Variants in CDK6 observed in about 807,000 individuals in gnomAD.
The protein encoded by CDK6 is cyclin-dependent kinase 6.
CDK6 carries 6 observed loss-of-function variants against 37.1 expected under a neutral mutation model. The ratio of observed to expected loss-of-function variants is 0.16; its 90% CI spans 0.09 to 0.32. The LOEUF (loss-of-function observed/expected upper bound fraction) is 0.32. CDK6 is among the 10% of genes least tolerant of loss of function. The pLI is 1.00. For missense variants in CDK6, 224 were observed against 418.9 expected (o/e 0.53, Z 4.06); for synonymous variants, 160 against 161.3 (o/e 0.99, Z 0.06).
chr7:92,632,181 A>G lies in CDK6; in HGVS notation c.648-9095T>C, dbSNP rs1219196714. ...ACACCTTTCTCTTGCAAAAACTCTA[A>G]TATTGACATCAGCCGGATGTCAGCA... On this transcript the variant is annotated intron_variant, in intron 5 of 7. Transcript: ENST00000424848. 2.0e-5 allele frequency among the ~76,000 whole-genome samples: 3 copies of G among 152,232 alleles called. No homozygotes were observed. The East Asian group carries it at 5.8e-4, about 29-fold the overall frequency.
rs1214168895 is a variant in CDK6 at position 92,615,069 on chromosome 7, C to T, written c.*71G>A. 6.5e-7 allele frequency: 1 copy of T among 1,528,986 alleles called. No homozygotes were observed. 94.7% of individuals were successfully genotyped at this position (1,528,986 alleles called of 1,614,324 possible). The stretch of plus-strand genomic sequence containing the variant: ...AGCAATCCTCCACAGCTCTGTAGGG[C>T]TTGCTGAGGGGGACCCATAAGCCAC... On this transcript the variant is annotated 3_prime_UTR_variant, in exon 8 of 8. Coordinates refer to ENST00000424848, the MANE Select transcript of CDK6 (RefSeq NM_001145306.2).
In CDK6 at chr7:92,646,307, C is replaced by A. The variant is rs954710776; in HGVS notation, c.648-23221G>T. 5.3e-5 allele frequency among the ~76,000 whole-genome samples: 8 copies of A among 152,182 alleles called. 1 individual carries two copies. The highest frequency in any genetic ancestry group is 1.9e-4 in the African/African-American group (8 of 41,440). On this transcript the variant is annotated intron_variant, in intron 5 of 7. Transcript: ENST00000424848. ...TTTTATTTGCTCATGTAAGTTATAA[C>A]CTCCTTCAGGCTCAGTCTTCAGGTT... is the stretch of plus-strand genomic sequence containing the variant.
intron 5 of CDK6, among the ~76,000 whole-genome samples, chr7:92,646,352 C>T (rs1174451126): frequency 1.3e-5 from 2 of 151,992 alleles, no homozygotes; most frequent in African/African-American, 4.8e-5. Flanking sequence ...TTCCACAGTG[C>T]CCAGAATGAT....
intron 2 of CDK6, among the ~76,000 whole-genome samples, chr7:92,775,079 G>GCGCTTGGAGCACAAGAA (rs1799815998): frequency 6.6e-6 from 1 of 152,170 alleles, no homozygotes; most frequent in Non-Finnish European, 1.5e-5. Flanking sequence ...AGAAAGCAAC[G>GCGCTTGGAGCACAAGAA]CGCTTGGAGC....
At chr7:92,749,182 G>C (rs1799129482) in intron 3 of CDK6, among the ~76,000 whole-genome samples, 1 of 145,408 alleles carries the variant, frequency 6.9e-6, no homozygotes, top group Admixed American at 7.0e-5. Context: ...CTGGGTAACA[G>C]AGGGAGACTC....
intron 2 of CDK6, among the ~76,000 whole-genome samples, chr7:92,796,458 A>G (rs1276647024): frequency 6.6e-6 from 1 of 152,102 alleles, no homozygotes; most frequent in Admixed American, 6.6e-5. Flanking sequence ...ATAATATTTT[A>G]TAAGTTGCTA....
At chr7:92,706,522 G>A (rs1342466595) in intron 4 of CDK6, among the ~76,000 whole-genome samples, 4 of 152,184 alleles carry the variant, frequency 2.6e-5, no homozygotes, top group South Asian at 2.1e-4. Context: ...AATGTCCTTC[G>A]TGAAAAACAA....
At chr7:92,619,579 G>A (rs1023368796) in intron 6 of CDK6, among the ~76,000 whole-genome samples, 1 of 151,624 alleles carries the variant, frequency 6.6e-6, no homozygotes, top group Non-Finnish European at 1.5e-5. Context: ...TCTTATGAAT[G>A]TACTTCCAGA....
intron 4 of CDK6, among the ~76,000 whole-genome samples, chr7:92,684,957 C>G (rs572549898): frequency 5.3e-5 from 8 of 152,014 alleles, no homozygotes; most frequent in Admixed American, 1.3e-4. Context: ...CATCTGATTT[C>G]AAAGTTGCTA....
chr7:92,793,640 T>G (rs1800334905), intron 2 of CDK6, among the ~76,000 whole-genome samples: 1 of 152,052 alleles, frequency 6.6e-6, no homozygotes, highest in South Asian at 2.1e-4. Context: ...GCTAAAACTA[T>G]AAAACTCTTA....
intron 5 of CDK6, among the ~76,000 whole-genome samples, chr7:92,650,829 G>C (rs946120982): frequency 1.3e-5 from 2 of 152,072 alleles, no homozygotes; most frequent in African/African-American, 4.8e-5. Flanking sequence ...AAGCATGTTT[G>C]ATCCTTCTCA....
In CDK6 at chr7:92,684,858, T is replaced by TA. The variant is rs1384729633; in HGVS notation, c.538-13324dup. 3.9e-5 allele frequency among the ~76,000 whole-genome samples: 6 copies of TA among 152,044 alleles called. No homozygotes were observed. In the East Asian group the frequency reaches 9.7e-4, roughly 25 times the overall value. Reference sequence around the variant, plus strand: ...TTCTAACACAGTCACTAAGCAACATTAAAAAAAATCATATTACTTGACATA... The same window carrying TA: ...TTCTAACACAGTCACTAAGCAACATTAAAAAAAAATCATATTACTTGACATA... On this transcript the variant is annotated intron_variant, in intron 4 of 7. Transcript: ENST00000424848.
At chr7:92,782,949 T>G (rs1800031378) in intron 2 of CDK6, among the ~76,000 whole-genome samples, 1 of 152,228 alleles carries the variant, frequency 6.6e-6, no homozygotes, top group African/African-American at 2.4e-5. Flanking sequence ...TCAAAGTGAC[T>G]GTCCCAGTTC....
chr7:92,743,647 G>A (rs1415292331), intron 3 of CDK6, among the ~76,000 whole-genome samples: 1 of 152,084 alleles, frequency 6.6e-6, no homozygotes, highest in Admixed American at 6.5e-5. Flanking sequence ...AAAATTAAAA[G>A]CACAATAAGA....
chr7:92,702,443 G>A (rs1797873681), intron 4 of CDK6, among the ~76,000 whole-genome samples: 1 of 151,774 alleles, frequency 6.6e-6, no homozygotes, highest in Non-Finnish European at 1.5e-5. Context: ...ATGTTGGCCA[G>A]GCTGGTCTTG....
At chr7:92,650,355 C>T (rs1037349272) in intron 5 of CDK6, among the ~76,000 whole-genome samples, 1 of 152,096 alleles carries the variant, frequency 6.6e-6, no homozygotes, top group Non-Finnish European at 1.5e-5. Context: ...TCAGCCAGAG[C>T]GCGACAACAG....
At chr7:92,657,937 G>C (rs1045998255) in intron 5 of CDK6, among the ~76,000 whole-genome samples, 4 of 152,068 alleles carry the variant, frequency 2.6e-5, no homozygotes, top group Non-Finnish European at 5.9e-5. Flanking sequence ...GCCCAGACTG[G>C]TCTCGAACTC....
At chr7:92,624,645 G>A (rs949858866) in intron 5 of CDK6, among the ~76,000 whole-genome samples, 7 of 152,104 alleles carry the variant, frequency 4.6e-5, no homozygotes, top group Non-Finnish European at 1.0e-4. Flanking sequence ...AAAGAATCAC[G>A]AAGTTGCGCT....
At chr7:92,644,521 C>T (rs1266064086) in intron 5 of CDK6, among the ~76,000 whole-genome samples, 1 of 152,126 alleles carries the variant, frequency 6.6e-6, no homozygotes, top group Non-Finnish European at 1.5e-5. Context: ...TTTCCTTTAA[C>T]TACTGAATAA....
Sources: allele counts gnomAD v4.1 joint callset (sites outside exome capture counted in the v4.1 genomes callset), GRCh38; gene constraint gnomAD v4.1.1; transcripts MANE v1.5; gene names NCBI Gene and HGNC (gene_info 2026-07-23, HGNC 2026-07-21).